The following GXYLT1 variants were observed in gnomAD, a reference collection of about 807,000 sequenced individuals.
The protein encoded by GXYLT1 is glucoside xylosyltransferase 1.
A neutral mutation model predicts 54.0 loss-of-function variants in GXYLT1; 29 were observed. The observed-to-expected ratio is 0.54, with a 90% confidence interval of 0.40 to 0.73. GXYLT1 has a LOEUF of 0.73. Among genes scored for constraint, GXYLT1 ranks in the 30% least tolerant of loss-of-function variants. The probability of loss-of-function intolerance (pLI) is 0.00; values close to 1 mark genes in which losing one functional copy is unlikely to be tolerated. For synonymous variants in GXYLT1, 176 were observed against 204.1 expected, an observed-to-expected ratio of 0.86 and a Z score of 1.17; for missense variants, 490 against 553.4, an observed-to-expected ratio of 0.89 and a Z score of 1.15.
intron 2 of GXYLT1, among the ~76,000 whole-genome samples, chr12:42,119,637 A>G (rs1429131856): frequency 2.0e-5 from 3 of 151,962 alleles, no homozygotes; most frequent in Non-Finnish European, 2.9e-5. Context: ...CCGAGATCCC[A>G]TCCCTACAAA....
At chr12:42,139,957 G>A (rs201958389) in intron 1 of GXYLT1, among the ~76,000 whole-genome samples, 8 of 152,056 alleles carry the variant, frequency 5.3e-5, no homozygotes, top group African/African-American at 1.2e-4. Flanking sequence ...CGAGGTGGGC[G>A]GATCATAAGG....
At chr12:42,111,002 A>G (rs1033915325) in intron 3 of GXYLT1, among the ~76,000 whole-genome samples, 2 of 152,242 alleles carry the variant, frequency 1.3e-5, no homozygotes, top group African/African-American at 4.8e-5. Flanking sequence ...TAAACACAAC[A>G]CAGAGGCTGC....
rs571276787 is a variant in GXYLT1, at chr12:42,097,393, G to C, written c.1161+49C>G. On this transcript the variant is annotated intron_variant, in intron 7 of 7. Transcript: ENST00000398675. ...ATTTTTGTAAACTAACCATTAGCTT[G>C]AAAGTATTTTCAAACAAAAAGTTAA... 212 of 1,415,682 alleles carry C rather than the reference G, an allele frequency of 1.5e-4. 8 individuals carry two copies. The South Asian group carries it at 2.6e-3, about 17-fold the overall frequency. The allele number at this position is 1,415,682 out of a possible 1,614,324, so 87.7% of individuals were successfully genotyped here.
chr12:42,087,569 T>G lies in GXYLT1; in HGVS notation c.*217A>C. ...ATACTGGAATGATAGCAAGTAACAT[T>G]ACAAAACATCAGAGATAAAAAATGT... On this transcript the variant is annotated 3_prime_UTR_variant, in exon 8 of 8. Transcript: ENST00000398675. 2 of 460,566 alleles carry G rather than the reference T, an allele frequency of 4.3e-6. No individual in the cohort carries two copies. The highest frequency in any genetic ancestry group is 7.7e-6 in the Non-Finnish European group (2 of 260,620). The allele number at this position is 460,566 out of a possible 1,614,324, so 28.5% of individuals were successfully genotyped here. A position where few individuals can be genotyped will look rare whatever the true frequency, so the allele number is the denominator to read the frequency against.
rs2065291222 is a variant in GXYLT1, at chr12:42,086,034, GA to G, written c.*1751del. 1 of 152,064 alleles carries G rather than the reference GA, an allele frequency of 6.6e-6. No individual in the cohort carries two copies. The highest frequency in any genetic ancestry group is 2.1e-4 in the South Asian group (1 of 4,818). The allele number at this position is 152,064 out of a possible 1,614,324, so 9.4% of individuals were successfully genotyped here. On this transcript the variant is annotated 3_prime_UTR_variant, in exon 8 of 8. Coordinates refer to ENST00000398675, the MANE Select transcript of GXYLT1 (RefSeq NM_173601.2). ...CAGAGTCTCCAAAGGCCTAGCTCAG[GA>G]ATCTATTCTTAAGCTCCCAACAAGA... is the stretch of plus-strand genomic sequence containing the variant.
intron 1 of GXYLT1, among the ~76,000 whole-genome samples, chr12:42,140,452 T>G (rs1014084082): frequency 2.0e-4 from 30 of 152,078 alleles, no homozygotes; most frequent in African/African-American, 7.0e-4. Context: ...AGCTAAAATG[T>G]TGTTGTGTCA....
intron 2 of GXYLT1, among the ~76,000 whole-genome samples, chr12:42,128,244 G>T (rs2136914126): frequency 6.6e-6 from 1 of 152,134 alleles, no homozygotes; most frequent in East Asian, 1.9e-4. Flanking sequence ...AAGAGAATAG[G>T]TTTTAAATGT....
Position 42,084,850 on chromosome 12 carries a change from T to C in GXYLT1, c.*2936A>G, listed in dbSNP as rs1433993595. 6.6e-6 allele frequency: 1 copy of C among 152,294 alleles called. No individual in the cohort carries two copies. The highest frequency in any genetic ancestry group is 1.5e-5 in the Non-Finnish European group (1 of 68,048). 9.4% of individuals were successfully genotyped at this position (152,294 alleles called of 1,614,324 possible). On this transcript the variant is annotated 3_prime_UTR_variant, in exon 8 of 8. Coordinates refer to ENST00000398675, the MANE Select transcript of GXYLT1 (RefSeq NM_173601.2). ...ATATTTTTAAAGGTTTCCCAAGTTCTTTTCTACTTCATACAAATGAAGTTT... is the reference window on the plus strand; with the variant it reads ...ATATTTTTAAAGGTTTCCCAAGTTCCTTTCTACTTCATACAAATGAAGTTT...
intron 1 of GXYLT1, among the ~76,000 whole-genome samples, chr12:42,133,803 T>C (rs1183022341): frequency 1.3e-5 from 2 of 152,130 alleles, no homozygotes; most frequent in African/African-American, 4.8e-5. Flanking sequence ...AGTAACAGAA[T>C]GTCATTTCAG....
At chr12:42,111,226 T>C (rs1227567403) in intron 3 of GXYLT1, among the ~76,000 whole-genome samples, 1 of 152,232 alleles carries the variant, frequency 6.6e-6, no homozygotes, top group Non-Finnish European at 1.5e-5. Flanking sequence ...AGGTGATTTC[T>C]GCATTTCCAA....
chr12:42,087,818 C>T lies in GXYLT1; in HGVS notation c.1291G>A (p.Asp431Asn), dbSNP rs751102860. 6.2e-7 allele frequency: 1 copy of T among 1,606,436 alleles called. No individual in the cohort carries two copies. Among genetic ancestry groups the T allele is most frequent in the Admixed American group, 1.7e-5 (1 of 58,890 alleles). ...FIKQLAKSVR[D>N]RYARSPKEK Reference sequence around the variant, plus strand: ...TCCTTTGGTGATCTGGCATAACGATCTCTTACACTTTTTGCTAGTTGTTTG... The same window carrying T: ...TCCTTTGGTGATCTGGCATAACGATTTCTTACACTTTTTGCTAGTTGTTTG... The change falls in exon 8 of 8, where the codon GAT (aspartate) becomes AAT (asparagine). Residue 431 changes from aspartate to asparagine, a missense_variant. Coordinates refer to ENST00000398675, the MANE Select transcript of GXYLT1 (RefSeq NM_173601.2).
chr12:42,106,162 T>G, intron 4 of GXYLT1, 93 bp from the exon 5 acceptor site: 1 of 769,208 alleles, frequency 1.3e-6, no homozygotes, highest in Non-Finnish European at 2.1e-6. Context: ...ACCTAAGAGA[T>G]TAGCTAATTT....
chr12:42,109,182 A>T (rs2065437587), intron 4 of GXYLT1, among the ~76,000 whole-genome samples: 1 of 152,152 alleles, frequency 6.6e-6, no homozygotes, highest in South Asian at 2.1e-4. Context: ...ACTCTACCTC[A>T]TTTCTCAAAC....
At position 42,082,476 on chromosome 12, in the gene GXYLT1, A is replaced by C. The variant is rs1317958620; in HGVS notation, c.*5310T>G. 1 of 152,120 alleles carries C rather than the reference A, an allele frequency of 6.6e-6. No homozygotes were observed. Among genetic ancestry groups the C allele is most frequent in the Non-Finnish European group, 1.5e-5 (1 of 68,026 alleles). 9.4% of individuals were successfully genotyped at this position (152,120 alleles called of 1,614,324 possible). ...GAAAATGGCTGTTTTTCATAGTCAA[A>C]GCCAATTTCCTTTATTTTTTGAGAC... On this transcript the variant is annotated 3_prime_UTR_variant, in exon 8 of 8. Coordinates refer to ENST00000398675, the MANE Select transcript of GXYLT1 (RefSeq NM_173601.2).
chr12:42,135,034 C>A (rs1187919137), intron 1 of GXYLT1, among the ~76,000 whole-genome samples: 1 of 152,200 alleles, frequency 6.6e-6, no homozygotes, highest in Admixed American at 6.5e-5. Flanking sequence ...ATGGGCCTTG[C>A]CTGCCTGATA....
At chr12:42,135,600 C>T (rs757302400) in intron 1 of GXYLT1, among the ~76,000 whole-genome samples, 6 of 152,142 alleles carry the variant, frequency 3.9e-5, no homozygotes, top group Non-Finnish European at 8.8e-5. Flanking sequence ...TGTGGTATAT[C>T]CATACAATGG....
chr12:42,115,032 C>A (rs1005004337), intron 3 of GXYLT1, among the ~76,000 whole-genome samples: 1 of 152,204 alleles, frequency 6.6e-6, no homozygotes, highest in African/African-American at 2.4e-5. Context: ...ACAAAAACCA[C>A]ATGATTATCT....
intron 7 of GXYLT1, among the ~76,000 whole-genome samples, chr12:42,089,451 C>T (rs547138185): frequency 3.8e-4 from 58 of 152,006 alleles, no homozygotes; most frequent in African/African-American, 1.1e-3. Context: ...CAAACCTGCA[C>T]GTTGTGCATA....
chr12:42,083,615 A>G lies in GXYLT1; in HGVS notation c.*4171T>C, dbSNP rs1592094404. 2.2e-5 allele frequency: 1 copy of G among 45,672 alleles called. No homozygotes were observed. The highest frequency in any genetic ancestry group is 8.4e-5 in the African/African-American group (1 of 11,952). The allele number at this position is 45,672 out of a possible 1,614,324, so 2.8% of individuals were successfully genotyped here. ...TAAATACAAATATCTGAAAAATAAG[A>G]CAGCCAATAATATCTTTTAAGGTAT... On this transcript the variant is annotated 3_prime_UTR_variant, in exon 8 of 8. Coordinates refer to ENST00000398675, the MANE Select transcript of GXYLT1 (RefSeq NM_173601.2).
Sources: allele counts gnomAD v4.1 joint callset (sites outside exome capture counted in the v4.1 genomes callset), GRCh38; gene constraint gnomAD v4.1.1; transcripts MANE v1.5; gene names NCBI Gene and HGNC (gene_info 2026-07-23, HGNC 2026-07-21).